The following PPIP5K1 variants were observed in gnomAD, a reference collection of about 807,000 sequenced individuals.
PPIP5K1 encodes inositol hexakisphosphate and diphosphoinositol-pentakisphosphate kinase 1.
PPIP5K1 carries 6 observed loss-of-function variants against 27.7 expected under a neutral mutation model. That is an observed-to-expected ratio of 0.22 (90% CI 0.12 to 0.43). The LOEUF is 0.43. Ranked by LOEUF, PPIP5K1 falls within the 20% of genes least tolerant of loss-of-function variation. PPIP5K1 has a pLI of 1.00. For missense variants in PPIP5K1, 394 were observed against 635.4 expected (o/e 0.62, Z 4.08); for synonymous variants, 145 against 242.6 (o/e 0.60, Z 3.74).
At chr15:43,549,109 C>A (rs1393158204) in intron 30 of PPIP5K1, among the ~76,000 whole-genome samples, 1 of 131,916 alleles carries the variant, frequency 7.6e-6, no homozygotes, top group Non-Finnish European at 1.6e-5. Flanking sequence ...GAGACAGGGC[C>A]TTATGTTGCC....
rs554649106 is a variant in PPIP5K1, at chr15:43,547,797, G to C, written c.3557-8214C>G. On this transcript the variant is annotated intron_variant, in intron 30 of 31. Transcript: ENST00000420765. ...TAGGAAGTTTGAGTCCTCCAGTTTTGTTTTGCTTTTTCAAGATTCTTTTGG... is the reference window on the plus strand; with the variant it reads ...TAGGAAGTTTGAGTCCTCCAGTTTTCTTTTGCTTTTTCAAGATTCTTTTGG... Among the ~76,000 whole-genome samples the C allele has an allele frequency of 9.9e-5, 15 of 152,246 alleles. 1 individual carries two copies. The highest frequency in any genetic ancestry group is 3.4e-4 in the African/African-American group (14 of 41,554).
Position 43,533,848 on chromosome 15 carries a change from T to TG in PPIP5K1, c.*825dup, listed in dbSNP as rs921915867. ...ACAGAGGAGGCCCACTTTCACAGACTGGCTAAGAATCCTCTAGAGCATTTT... is the reference window on the plus strand; with the variant it reads ...ACAGAGGAGGCCCACTTTCACAGACTGGGCTAAGAATCCTCTAGAGCATTTT... On this transcript the variant is annotated 3_prime_UTR_variant, in exon 32 of 32. Coordinates refer to ENST00000420765, the MANE Select transcript of PPIP5K1 (RefSeq NM_001394395.1). 2.0e-5 allele frequency: 3 copies of TG among 152,204 alleles called. No homozygotes were observed. The highest frequency in any genetic ancestry group is 1.3e-4 in the Admixed American group (2 of 15,272). The allele number at this position is 152,204 out of a possible 1,614,324, so 9.4% of individuals were successfully genotyped here.
Position 43,552,372 on chromosome 15 carries a change from T to A in PPIP5K1, c.3556+6423A>T, listed in dbSNP as rs187948810. Among the ~76,000 whole-genome samples, 546 of 152,088 alleles carry A rather than the reference T, an allele frequency of 3.6e-3. 3 individuals carry two copies. The highest frequency in any genetic ancestry group is 0.012 in the African/African-American group (515 of 41,490). ...TCATTCATCTCAAAGTATAATCTAA[T>A]TTCCCTTGTGAGTTCTTCTTCGACT... On this transcript the variant is annotated intron_variant, in intron 30 of 31. Transcript: ENST00000420765.
At chr15:43,547,459 G>A (rs921457113) in intron 30 of PPIP5K1, among the ~76,000 whole-genome samples, 12 of 152,060 alleles carry the variant, frequency 7.9e-5, no homozygotes, top group Non-Finnish European at 8.8e-5. Flanking sequence ...TTTACTCTAC[G>A]ACTTCTTCTA....
In PPIP5K1 at chr15:43,537,153, A is replaced by T. The variant is rs1319352301; in HGVS notation, c.3671-1677T>A. Among the ~76,000 whole-genome samples, 6 of 151,036 alleles carry T rather than the reference A, an allele frequency of 4.0e-5. No individual in the cohort carries two copies. The East Asian group carries it at 1.2e-3, about 30-fold the overall frequency. On this transcript the variant is annotated intron_variant, in intron 31 of 31. Transcript: ENST00000420765. ...AGTTCGAGACCAGCCTGACCAACAT[A>T]GTGAAACTCCTCCTCTACTAAAAAT...
intron 30 of PPIP5K1, among the ~76,000 whole-genome samples, chr15:43,551,451 G>C (rs1473162649): frequency 1.0e-4 from 15 of 147,902 alleles, no homozygotes; most frequent in African/African-American, 3.5e-4. Flanking sequence ...GTAGGAGGCA[G>C]AGATTGCAGT....
Position 43,533,957 on chromosome 15 carries a change from A to T in PPIP5K1, c.*717T>A, listed in dbSNP as rs2079530681. The T allele has an allele frequency of 6.6e-6, 1 of 152,176 alleles. No individual in the cohort carries two copies. The highest frequency in any genetic ancestry group is 1.5e-5 in the Non-Finnish European group (1 of 68,046). 9.4% of individuals were successfully genotyped at this position (152,176 alleles called of 1,614,324 possible). On this transcript the variant is annotated 3_prime_UTR_variant, in exon 32 of 32. Coordinates refer to ENST00000420765, the MANE Select transcript of PPIP5K1 (RefSeq NM_001394395.1). Reference sequence around the variant, plus strand: ...GCCCAGAGGAACAGGACTGAGGCAGAAGGGGCACTTGGGGATGATATGGAA... The same window carrying T: ...GCCCAGAGGAACAGGACTGAGGCAGTAGGGGCACTTGGGGATGATATGGAA...
intron 30 of PPIP5K1, among the ~76,000 whole-genome samples, chr15:43,541,667 T>G (rs2080739267): frequency 6.7e-6 from 1 of 148,300 alleles, no homozygotes; most frequent in Non-Finnish European, 1.5e-5. Context: ...GAGGTTGCAG[T>G]AAGCCAAGAT....
At chr15:43,548,121 TG>T (rs2081603495) in intron 30 of PPIP5K1, among the ~76,000 whole-genome samples, 1 of 151,474 alleles carries the variant, frequency 6.6e-6, no homozygotes, top group Non-Finnish European at 1.5e-5. Flanking sequence ...TTTTTCAAGA[TG>T]GAGTCTTGCT....
intron 30 of PPIP5K1, among the ~76,000 whole-genome samples, chr15:43,549,648 G>A (rs2081945277): frequency 1.3e-5 from 2 of 150,470 alleles, no homozygotes; most frequent in South Asian, 4.2e-4. Context: ...GCAACAACCT[G>A]TCTTAAAAAA....
At chr15:43,580,583 T>A (rs2084930815) in intron 10 of PPIP5K1, among the ~76,000 whole-genome samples, 1 of 127,514 alleles carries the variant, frequency 7.8e-6, no homozygotes, top group African/African-American at 3.9e-5. Context: ...TTTTTTAATT[T>A]AATTAATTAA....
chr15:43,548,859 C>T (rs1225549692), intron 30 of PPIP5K1, among the ~76,000 whole-genome samples: 1 of 150,502 alleles, frequency 6.6e-6, no homozygotes, highest in African/African-American at 2.4e-5. Flanking sequence ...AACCCTGTCT[C>T]TACTAAAATT....
At chr15:43,547,353 C>A (rs1445455381) in intron 30 of PPIP5K1, among the ~76,000 whole-genome samples, 1 of 152,148 alleles carries the variant, frequency 6.6e-6, no homozygotes, top group Non-Finnish European at 1.5e-5. Context: ...CTTTGATGCA[C>A]AAATATTTTT....
At chr15:43,544,095 G>A (rs954645076) in intron 30 of PPIP5K1, among the ~76,000 whole-genome samples, 2 of 151,996 alleles carry the variant, frequency 1.3e-5, no homozygotes, top group Non-Finnish European at 2.9e-5. Context: ...ACAAGTCAAA[G>A]CTATACAAAA....
chr15:43,545,528 T>C (rs2081271676), intron 30 of PPIP5K1, among the ~76,000 whole-genome samples: 1 of 150,992 alleles, frequency 6.6e-6, no homozygotes, highest in Non-Finnish European at 1.5e-5. Flanking sequence ...AGTAGCTGAT[T>C]GTGTAGTAGC....
chr15:43,559,436 C>T lies in PPIP5K1; in HGVS notation c.3419-504G>A, dbSNP rs375915370. ...GGTTCATGCAAATTTAGGATGTCGGCAGAAAGGCTAGAATACTTGGATGCA... is the reference window on the plus strand; with the variant it reads ...GGTTCATGCAAATTTAGGATGTCGGTAGAAAGGCTAGAATACTTGGATGCA... On this transcript the variant is annotated intron_variant, in intron 29 of 31. Transcript: ENST00000420765. Among the ~76,000 whole-genome samples, 18 of 152,236 alleles carry T rather than the reference C, an allele frequency of 1.2e-4. No homozygotes were observed. In the South Asian group the frequency reaches 1.5e-3, roughly 12 times the overall value.
rs531295759 is a variant in PPIP5K1 at position 43,538,251 on chromosome 15, T to A, written c.3670+1219A>T. Among the ~76,000 whole-genome samples the A allele has an allele frequency of 2.0e-5, 3 of 152,326 alleles. No homozygotes were observed. The South Asian group carries it at 6.2e-4, about 32-fold the overall frequency. On this transcript the variant is annotated intron_variant, in intron 31 of 31. Coordinates refer to ENST00000420765, the MANE Select transcript of PPIP5K1 (RefSeq NM_001394395.1). ...GAAAGGCATATTTGATTTCAGTTAT[T>A]CCCCGGAGGCAGGATGATACTTCAC...
At chr15:43,558,740 A>T in intron 30 of PPIP5K1, 55 bp downstream of exon 30, 1 of 1,603,298 alleles carries the variant, frequency 6.2e-7, no homozygotes, top group Non-Finnish European at 8.5e-7. Context: ...CTTATATTCT[A>T]GGAAGCATGG....
chr15:43,544,373 A>G (rs544409569), intron 30 of PPIP5K1, among the ~76,000 whole-genome samples: 1 of 152,310 alleles, frequency 6.6e-6, no homozygotes, highest in Admixed American at 6.5e-5. Flanking sequence ...ATTAGTTTTA[A>G]CAGATGCATA....
Sources: gnomAD v4.1 joint callset for allele counts (sites outside exome capture counted in the v4.1 genomes callset) on GRCh38, gnomAD v4.1.1 for gene constraint, MANE v1.5 for transcripts, NCBI Gene and HGNC (gene_info 2026-07-23, HGNC 2026-07-21) for gene names.